TIAM2: variants seen among roughly 807,000 people sequenced by gnomAD.
The protein encoded by TIAM2 is rho guanine nucleotide exchange factor TIAM2.
A neutral mutation model predicts 152.9 loss-of-function variants in TIAM2; 80 were observed. That is an observed-to-expected ratio of 0.52 (90% CI 0.44 to 0.63). The LOEUF is 0.63. Ranked by LOEUF, TIAM2 falls within the 30% of genes least tolerant of loss-of-function variation. TIAM2 has a pLI of 0.00. For missense variants in TIAM2, 1,965 were observed against 2,120.1 expected, an observed-to-expected ratio of 0.93 and a Z score of 1.44; for synonymous variants, 804 against 838.0, an observed-to-expected ratio of 0.96 and a Z score of 0.70.
intron 9 of TIAM2, among the ~76,000 whole-genome samples, chr6:155,170,558 A>G (rs1780560772): frequency 6.6e-6 from 1 of 152,262 alleles, no homozygotes; most frequent in Non-Finnish European, 1.5e-5. Context: ...CCAAGATCGC[A>G]CCACTGCACT....
At chr6:155,043,430 G>A (rs9480029) in intron 1 of TIAM2, among the ~76,000 whole-genome samples, 20,264 of 151,792 alleles carry the variant, frequency 0.13, 1,363 homozygotes, top group East Asian at 0.17. Context: ...CCAGGAGTTC[G>A]AGACTAGCCT....
chr6:155,091,698 T>C (rs1778308242), intron 2 of TIAM2, among the ~76,000 whole-genome samples: 1 of 152,142 alleles, frequency 6.6e-6, no homozygotes, highest in South Asian at 2.1e-4. Flanking sequence ...ACCTTTTTCT[T>C]TTTTTTATCA....
chr6:155,231,967 GC>G (rs200537587), intron 15 of TIAM2, among the ~76,000 whole-genome samples: 2,329 of 152,332 alleles, frequency 0.015, 25 homozygotes, highest in Non-Finnish European at 0.024. Context: ...TGTAATCCCA[GC>G]TACGTGGGAG....
intron 11 of TIAM2, 82 bp downstream of exon 11, chr6:155,179,225 A>G (rs1382009477): frequency 1.4e-6 from 2 of 1,477,512 alleles, no homozygotes; most frequent in African/African-American, 2.8e-5. Flanking sequence ...TTTTGGGGAA[A>G]ATTCTGTTTA....
At chr6:155,110,750 A>G (rs554053605) in intron 2 of TIAM2, among the ~76,000 whole-genome samples, 1 of 152,340 alleles carries the variant, frequency 6.6e-6, no homozygotes, top group Non-Finnish European at 1.5e-5. Flanking sequence ...AAGGTGATGT[A>G]AGGCACTTTT....
At chr6:155,040,775 T>C (rs952811642) in intron 1 of TIAM2, among the ~76,000 whole-genome samples, 3 of 152,152 alleles carry the variant, frequency 2.0e-5, no homozygotes, top group African/African-American at 7.2e-5. Flanking sequence ...CGCCTTGGCC[T>C]CCCAAAGTGC....
At chr6:155,030,918 A>G (rs1042713348) in intron 1 of TIAM2, among the ~76,000 whole-genome samples, 1 of 152,196 alleles carries the variant, frequency 6.6e-6, no homozygotes, top group Non-Finnish European at 1.5e-5. Context: ...AATAAAAGGT[A>G]AGGATTCCTC....
At chr6:155,234,196 C>A (rs1782622437) in intron 15 of TIAM2, among the ~76,000 whole-genome samples, 1 of 152,066 alleles carries the variant, frequency 6.6e-6, no homozygotes, top group African/African-American at 2.4e-5. Context: ...AATCTGAGGC[C>A]CCCATTTCAA....
At chr6:155,138,371 T>C (rs1779605943) in intron 5 of TIAM2, among the ~76,000 whole-genome samples, 1 of 152,194 alleles carries the variant, frequency 6.6e-6, no homozygotes, top group African/African-American at 2.4e-5. Flanking sequence ...GATTATTGAT[T>C]TGTCATTCCA....
intron 2 of TIAM2, among the ~76,000 whole-genome samples, chr6:155,113,054 A>G (rs1778896622): frequency 6.6e-6 from 1 of 152,114 alleles, no homozygotes; most frequent in Non-Finnish European, 1.5e-5. Context: ...AGCCTTCTCT[A>G]TCACACCCTC....
At chr6:155,104,617 C>T (rs1056663084) in intron 2 of TIAM2, among the ~76,000 whole-genome samples, 7 of 151,866 alleles carry the variant, frequency 4.6e-5, no homozygotes, top group South Asian at 2.1e-4. Flanking sequence ...ATTAGCTGGG[C>T]GTGGTGGCGG....
intron 15 of TIAM2, among the ~76,000 whole-genome samples, chr6:155,217,881 A>C (rs1008623903): frequency 2.6e-5 from 4 of 152,272 alleles, no homozygotes; most frequent in Non-Finnish European, 5.9e-5. Context: ...TTTAGTGTAC[A>C]GCGTGAACAA....
intron 7 of TIAM2, among the ~76,000 whole-genome samples, chr6:155,161,837 C>T (rs888458235): frequency 1.9e-4 from 29 of 152,124 alleles, no homozygotes; most frequent in African/African-American, 2.4e-5. Flanking sequence ...ATCGGCCTCC[C>T]GAAGTGCTGG....
chr6:155,073,075 A>G (rs1777876200), intron 1 of TIAM2, among the ~76,000 whole-genome samples: 1 of 151,948 alleles, frequency 6.6e-6, no homozygotes, highest in Admixed American at 6.6e-5. Flanking sequence ...TCTGTTATTA[A>G]AGGTTAGAGA....
intron 1 of TIAM2, among the ~76,000 whole-genome samples, chr6:155,026,781 T>C (rs1776611422): frequency 6.6e-6 from 1 of 152,226 alleles, no homozygotes; most frequent in Admixed American, 6.5e-5. Flanking sequence ...GGTTAGGGAC[T>C]TGGTGAGAAG....
intron 15 of TIAM2, among the ~76,000 whole-genome samples, chr6:155,237,973 T>C (rs1290089329): frequency 6.6e-6 from 1 of 152,254 alleles, no homozygotes; most frequent in Non-Finnish European, 1.5e-5. Flanking sequence ...AGCTTAGATT[T>C]CTCTTCAGAA....
intron 1 of TIAM2, among the ~76,000 whole-genome samples, chr6:154,997,933 C>T (rs563903833): frequency 1.6e-4 from 25 of 152,104 alleles, no homozygotes; most frequent in South Asian, 4.2e-4. Flanking sequence ...CCACCGTGTC[C>T]GGCCAGAAAA....
chr6:155,245,060 G>T (rs1283630625), intron 18 of TIAM2, among the ~76,000 whole-genome samples: 1 of 152,180 alleles, frequency 6.6e-6, no homozygotes, highest in African/African-American at 2.4e-5. Flanking sequence ...CAGCTGCTGT[G>T]AAGGATATCC....
At chr6:154,999,223 AT>A (rs887442858) in intron 1 of TIAM2, among the ~76,000 whole-genome samples, 12 of 151,600 alleles carry the variant, frequency 7.9e-5, no homozygotes, top group African/African-American at 2.4e-4. Context: ...TAATTAATTA[AT>A]TTTTTTGAGA....
Sources: allele counts gnomAD v4.1 joint callset (sites outside exome capture counted in the v4.1 genomes callset), GRCh38; gene constraint gnomAD v4.1.1; transcripts MANE v1.5; gene names NCBI Gene and HGNC (gene_info 2026-07-23, HGNC 2026-07-21).